Variants in CEP120 observed in about 807,000 individuals in gnomAD.
The protein encoded by CEP120 is centrosomal protein 120.
CEP120 carries 113 observed loss-of-function variants against 126.5 expected under a neutral mutation model. The observed-to-expected ratio is 0.89, with a 90% confidence interval of 0.77 to 1.04. The LOEUF is 1.04. CEP120 is among the 50% of genes least tolerant of loss of function. CEP120 has a pLI of 0.00. For synonymous variants in CEP120, 400 were observed against 394.3 expected (o/e 1.01, Z -0.17); for missense variants, 1,230 against 1,155.7 (o/e 1.06, Z -0.93).
Position 123,394,754 on chromosome 5 carries a change from G to A in CEP120, c.613-1257C>T, listed in dbSNP as rs537132337. Among the ~76,000 whole-genome samples, 6 of 152,200 alleles carry A rather than the reference G, an allele frequency of 3.9e-5. No individual in the cohort carries two copies. In the South Asian group the frequency reaches 6.2e-4, roughly 16 times the overall value. ...TAAAATGTATTCATGTTTAAGTGAGGAGATTTTAATCATGTGGACTTACAC... is the reference window on the plus strand; with the variant it reads ...TAAAATGTATTCATGTTTAAGTGAGAAGATTTTAATCATGTGGACTTACAC... On this transcript the variant is annotated intron_variant, in intron 5 of 19. Transcript: ENST00000306467.
At chr5:123,359,505 G>A (rs1769912725) in intron 18 of CEP120, among the ~76,000 whole-genome samples, 1 of 152,002 alleles carries the variant, frequency 6.6e-6, no homozygotes, top group South Asian at 2.1e-4. Flanking sequence ...GTAGACCAAT[G>A]CAATTCAAGT....
intron 8 of CEP120, among the ~76,000 whole-genome samples, chr5:123,388,815 GA>G (rs1241102694): frequency 6.6e-6 from 1 of 151,954 alleles, no homozygotes; most frequent in Non-Finnish European, 1.5e-5. Context: ...AGAATTGTGT[GA>G]AAAAAGAGCT....
chr5:123,416,085 C>G lies in CEP120; in HGVS notation c.246G>C (p.Leu82Phe), dbSNP rs1774365850. 2 of 1,613,876 alleles carry G rather than the reference C, an allele frequency of 1.2e-6. No homozygotes were observed. The highest frequency in any genetic ancestry group is 3.3e-5 in the Admixed American group (2 of 60,022). Residue 82 changes from leucine to phenylalanine, a missense_variant, in exon 3 of 20, where the codon TTG (leucine) becomes TTC (phenylalanine). Coordinates refer to ENST00000306467, the MANE Select transcript of CEP120 (RefSeq NM_001375405.1). ...TTTCCTTGGCTGAAGTTACAGGATC[C>G]AAGGCAAAACATTGGAGTTTGATAG... is the stretch of plus-strand genomic sequence containing the variant. The part of the protein sequence containing the change: ...RTPIKLQCFA[L>F]DPVTSAKETI...
In CEP120 at chr5:123,385,113, A is replaced by G; in HGVS notation, c.1601T>C (p.Leu534Pro). 1 of 1,612,740 alleles carries G rather than the reference A, an allele frequency of 6.2e-7. No individual in the cohort carries two copies. The highest frequency in any genetic ancestry group is 8.5e-7 in the Non-Finnish European group (1 of 1,179,350). Residue 534 changes from leucine to proline, a missense_variant, in exon 11 of 20, where the codon CTA becomes CCA. Coordinates refer to ENST00000306467, the MANE Select transcript of CEP120 (RefSeq NM_001375405.1). ...TTTACTCATTTTATCCTTGTGCCAT[A>G]GTTCAACCAGTAATGGAATCCTAAG... ...TFLRIPLLVE[L>P]WHKDKMSKDL...
At chr5:123,383,198 C>G in intron 11 of CEP120, 116 bp from the exon 12 acceptor site, 1 of 622,314 alleles carries the variant, frequency 1.6e-6, no homozygotes, top group Non-Finnish European at 2.8e-6. Flanking sequence ...GCTCCTAACT[C>G]TATTGTTTTT....
At chr5:123,378,974 T>C (rs1027448353) in intron 14 of CEP120, among the ~76,000 whole-genome samples, 6 of 151,100 alleles carry the variant, frequency 4.0e-5, no homozygotes, top group African/African-American at 1.5e-4. Flanking sequence ...GAATCTAGCA[T>C]GAAAATTAGG....
chr5:123,417,978 A>G lies in CEP120; in HGVS notation c.206+381T>C, dbSNP rs372461826. 5.3e-5 allele frequency among the ~76,000 whole-genome samples: 8 copies of G among 152,368 alleles called. No homozygotes were observed. In the East Asian group the frequency reaches 1.3e-3, roughly 26 times the overall value. On this transcript the variant is annotated intron_variant, in intron 2 of 19. Transcript: ENST00000306467. ...ACATTTAAAAAAACACTCAATAACTATAATTATTAAACGTAATGACAGATA... is the reference window on the plus strand; with the variant it reads ...ACATTTAAAAAAACACTCAATAACTGTAATTATTAAACGTAATGACAGATA...
chr5:123,360,754 A>C (rs1234281844), intron 18 of CEP120, among the ~76,000 whole-genome samples: 3 of 151,702 alleles, frequency 2.0e-5, no homozygotes, highest in Admixed American at 6.6e-5. Flanking sequence ...TGCGTGTGTT[A>C]GGAAGGAGGG....
rs1232431478 is a variant in CEP120, at chr5:123,377,433, C to G, written c.2299G>C (p.Glu767Gln). 18 of 1,611,256 alleles carry G rather than the reference C, an allele frequency of 1.1e-5. No individual in the cohort carries two copies. The highest frequency in any genetic ancestry group is 1.4e-5 in the Non-Finnish European group (17 of 1,179,158). ...RAKEDCIHQV[E>Q]LERLKIKQLE... ...TGTTTGATTTTTAACCTTTCTAGTT[C>G]TACTTGGTGAATACAGTCCTCTTTG... Residue 767 changes from glutamate (E) to glutamine (Q), a missense_variant, in exon 16 of 20, where the codon GAA becomes CAA. Transcript: ENST00000306467.
In CEP120 at chr5:123,346,279, G is replaced by GA; in HGVS notation, c.*239dup. 2.5e-6 allele frequency: 1 copy of GA among 392,772 alleles called. No individual in the cohort carries two copies. Among genetic ancestry groups the GA allele is most frequent in the Non-Finnish European group, 4.5e-6 (1 of 221,220 alleles). The allele number at this position is 392,772 out of a possible 1,614,324, so 24.3% of individuals were successfully genotyped here. A position where few individuals can be genotyped will look rare whatever the true frequency, so the allele number is the denominator to read the frequency against. ...AGTTAGCCATCAGATTATAAACTAT[G>GA]AAAAACACTGAAAAGTCATTTAAAA... On this transcript the variant is annotated 3_prime_UTR_variant, in exon 20 of 20. Coordinates refer to ENST00000306467, the MANE Select transcript of CEP120 (RefSeq NM_001375405.1).
At chr5:123,358,437 C>G (rs774198287) in intron 18 of CEP120, 1 of 152,024 alleles carries the variant, frequency 6.6e-6, no homozygotes, top group East Asian at 1.9e-4. Flanking sequence ...ACCAAACTGT[C>G]TTCTTTGGCT....
intron 17 of CEP120, among the ~76,000 whole-genome samples, chr5:123,370,235 T>A (rs1178974974): frequency 1.3e-5 from 2 of 152,042 alleles, no homozygotes; most frequent in Non-Finnish European, 2.9e-5. Context: ...TATTAAAAGT[T>A]CCTAGAGGAA....
In CEP120 at chr5:123,412,502, G is replaced by A; in HGVS notation, c.360C>T (p.Thr120=). Residue 120 remains threonine (T), a synonymous_variant, in exon 4 of 20, where the codon ACC becomes ACT. Coordinates refer to ENST00000306467, the MANE Select transcript of CEP120 (RefSeq NM_001375405.1). ...KWYQLLSNKY[T]KFKSEIQISI... is the part of the protein sequence containing the mutation. Reference sequence around the variant, plus strand: ...TTATCTGTATCTCAGACTTGAATTTGGTGTATTTATTACTCAGCAACTGGT... The same window carrying A: ...TTATCTGTATCTCAGACTTGAATTTAGTGTATTTATTACTCAGCAACTGGT... The A allele has an allele frequency of 6.2e-7, 1 of 1,609,970 alleles. No individual in the cohort carries two copies. Among genetic ancestry groups the A allele is most frequent in the Non-Finnish European group, 8.5e-7 (1 of 1,178,014 alleles).
At chr5:123,366,318 C>T (rs1031031940) in intron 17 of CEP120, among the ~76,000 whole-genome samples, 1 of 151,380 alleles carries the variant, frequency 6.6e-6, no homozygotes, top group African/African-American at 2.4e-5. Context: ...CTTCTGGAAA[C>T]CTTTGTACTT....
intron 17 of CEP120, among the ~76,000 whole-genome samples, chr5:123,365,532 C>G (rs1324139692): frequency 6.6e-6 from 1 of 151,690 alleles, no homozygotes; most frequent in Non-Finnish European, 1.5e-5. Flanking sequence ...TGGTCAAATT[C>G]CCTTCACAAA....
intron 17 of CEP120, among the ~76,000 whole-genome samples, chr5:123,366,588 A>G (rs1326596151): frequency 6.6e-6 from 1 of 151,810 alleles, no homozygotes; most frequent in Non-Finnish European, 1.5e-5. Flanking sequence ...TGTCACAAGG[A>G]ACTCTACATT....
chr5:123,352,269 G>T, intron 18 of CEP120, among the ~76,000 whole-genome samples: 1 of 151,982 alleles, frequency 6.6e-6, no homozygotes. Context: ...TTAATAAAGA[G>T]AAGTCCTTAA....
At chr5:123,362,566 T>C (rs893653434) in intron 18 of CEP120, among the ~76,000 whole-genome samples, 1 of 151,796 alleles carries the variant, frequency 6.6e-6, no homozygotes, top group African/African-American at 2.4e-5. Flanking sequence ...ACCTGCTATG[T>C]AGGGATCTTT....
chr5:123,399,644 A>G (rs1468949547), intron 4 of CEP120, among the ~76,000 whole-genome samples: 1 of 152,046 alleles, frequency 6.6e-6, no homozygotes, highest in Non-Finnish European at 1.5e-5. Flanking sequence ...TAAAAAAAAG[A>G]GTGTTCTAGA....
Sources: gnomAD v4.1 joint callset for allele counts (sites outside exome capture counted in the v4.1 genomes callset) on GRCh38, gnomAD v4.1.1 for gene constraint, MANE v1.5 for transcripts, NCBI Gene and HGNC (gene_info 2026-07-23, HGNC 2026-07-21) for gene names.